The following ADGRV1 variants were observed in gnomAD, a reference collection of about 807,000 sequenced individuals.
ADGRV1 encodes G-protein coupled receptor 98.
Under a neutral mutation model 596.2 loss-of-function variants are expected in ADGRV1, and 359 were observed. The observed-to-expected ratio is 0.60, with a 90% CI of 0.55 to 0.66. The LOEUF (loss-of-function observed/expected upper bound fraction) is 0.66, where lower values mean the gene tolerates loss of function less well. ADGRV1 is among the 30% of genes least tolerant of loss of function. The pLI, the probability that ADGRV1 is intolerant of heterozygous loss-of-function variation, is 0.00. For missense variants in ADGRV1, 7,274 were observed against 7,575.6 expected, an observed-to-expected ratio of 0.96 and a Z score of 1.48; for synonymous variants, 2,681 against 2,679.2, an observed-to-expected ratio of 1.00 and a Z score of -0.02.
Position 90,706,730 on chromosome 5 carries a change from T to TA in ADGRV1, c.8730+351dup, listed in dbSNP as rs59122560. Among the ~76,000 whole-genome samples, 91 of 144,072 alleles carry TA rather than the reference T, an allele frequency of 6.3e-4. 1 individual carries two copies. The highest frequency in any genetic ancestry group is 2.7e-3 in the East Asian group (13 of 4,874). 94.5% of individuals were successfully genotyped at this position (144,072 alleles called of 152,430 possible). On this transcript the variant is annotated intron_variant, in intron 38 of 89. Coordinates refer to ENST00000405460, the MANE Select transcript of ADGRV1 (RefSeq NM_032119.4). ...GTTTACCTGAGTTTTTTTCTATTAG[T>TA]AAAAAAAAAAAAAAATTACTCTGAC...
intron 87 of ADGRV1, among the ~76,000 whole-genome samples, chr5:91,134,183 T>C (rs375121730): frequency 2.0e-5 from 3 of 151,898 alleles, no homozygotes; most frequent in South Asian, 4.1e-4. Context: ...TGACCTGCTG[T>C]TTCTTTCTTT....
At chr5:91,022,520 G>A (rs905641287) in intron 85 of ADGRV1, among the ~76,000 whole-genome samples, 1 of 152,016 alleles carries the variant, frequency 6.6e-6, no homozygotes, top group African/African-American at 2.4e-5. Flanking sequence ...TACTCCCTGT[G>A]CTTTAAGGTT....
chr5:90,711,657 A>T (rs573191110), intron 41 of ADGRV1, among the ~76,000 whole-genome samples: 1 of 152,316 alleles, frequency 6.6e-6, no homozygotes, highest in African/African-American at 2.4e-5. Flanking sequence ...CACTTCACGA[A>T]AATTTTAACT....
chr5:90,906,391 T>C (rs938643899), intron 83 of ADGRV1, among the ~76,000 whole-genome samples: 1 of 152,142 alleles, frequency 6.6e-6, no homozygotes, highest in Non-Finnish European at 1.5e-5. Flanking sequence ...TTATTACAGC[T>C]TTGATCTCAT....
chr5:90,712,649 G>A (rs191721016), intron 42 of ADGRV1, among the ~76,000 whole-genome samples: 3 of 152,010 alleles, frequency 2.0e-5, no homozygotes, highest in Non-Finnish European at 2.9e-5. Flanking sequence ...AAAGTAGGTT[G>A]ATACTACAGA....
chr5:90,871,223 C>G (rs144542427), intron 83 of ADGRV1, among the ~76,000 whole-genome samples: 17 of 152,182 alleles, frequency 1.1e-4, no homozygotes, highest in African/African-American at 3.6e-4. Flanking sequence ...GATTTTGGTA[C>G]TCAAAATAGA....
chr5:90,829,317 C>T, intron 77 of ADGRV1, 131 bp downstream of exon 77: 4 of 803,578 alleles, frequency 5.0e-6, no homozygotes, highest in Non-Finnish European at 7.3e-6. Flanking sequence ...TTATTCATTA[C>T]ATTAAGCTTT....
chr5:90,937,039 G>C (rs1775752980), intron 83 of ADGRV1, among the ~76,000 whole-genome samples: 1 of 151,958 alleles, frequency 6.6e-6, no homozygotes, highest in Non-Finnish European at 1.5e-5. Flanking sequence ...GAAGTTTATT[G>C]TCAGTCCATT....
At chr5:91,141,184 C>T (rs1795067521) in intron 87 of ADGRV1, among the ~76,000 whole-genome samples, 1 of 152,186 alleles carries the variant, frequency 6.6e-6, no homozygotes. Context: ...TTAGAATAGA[C>T]ATCTGTCCAA....
chr5:90,728,593 A>C, intron 48 of ADGRV1, 76 bp from the exon 49 acceptor site: 1 of 1,181,558 alleles, frequency 8.5e-7, no homozygotes, highest in South Asian at 1.5e-5. Context: ...GAGAGTAAAC[A>C]TATGGTATTG....
intron 6 of ADGRV1, among the ~76,000 whole-genome samples, chr5:90,626,851 T>G (rs1764827758): frequency 6.6e-6 from 1 of 152,216 alleles, no homozygotes; most frequent in South Asian, 2.1e-4. Context: ...ATTATTAGAC[T>G]TTCAGTACTA....
At chr5:90,665,398 C>A (rs951813890) in intron 21 of ADGRV1, among the ~76,000 whole-genome samples, 20 of 151,680 alleles carry the variant, frequency 1.3e-4, no homozygotes, top group Admixed American at 1.1e-3. Flanking sequence ...AGTTTATTTG[C>A]GTAGAGGTGT....
chr5:90,756,675 C>A, intron 56 of ADGRV1, 45 bp downstream of exon 56: 1 of 1,500,922 alleles, frequency 6.7e-7, no homozygotes, highest in South Asian at 1.2e-5. Context: ...GAGGCCTCTC[C>A]CTGCTGATTT....
chr5:90,960,152 A>C (rs940408938), intron 83 of ADGRV1, among the ~76,000 whole-genome samples: 1 of 146,190 alleles, frequency 6.8e-6, no homozygotes. Context: ...AAAAAAAAAA[A>C]ACAAAAAACA....
At chr5:90,820,666 C>T (rs1380228905) in intron 75 of ADGRV1, among the ~76,000 whole-genome samples, 2 of 149,708 alleles carry the variant, frequency 1.3e-5, no homozygotes, top group Non-Finnish European at 3.0e-5. Context: ...ATTTCTCCTT[C>T]ACTTATGAAG....
At chr5:90,751,634 C>T (rs967502555) in intron 53 of ADGRV1, among the ~76,000 whole-genome samples, 1 of 152,152 alleles carries the variant, frequency 6.6e-6, no homozygotes, top group Non-Finnish European at 1.5e-5. Context: ...GGGTTGTCTT[C>T]TTGGCTTGCC....
chr5:90,689,903 A>C lies in ADGRV1; in HGVS notation c.6533A>C (p.Glu2178Ala), dbSNP rs1303193997. Residue 2178 changes from glutamate (E) to alanine (A), a missense_variant, in exon 30 of 90, where the codon GAA becomes GCA. By Grantham distance (107) the Glu-to-Ala change is moderately radical (BLOSUM62 -1). This residue lies in a region of ADGRV1 where 3,643 missense variants were observed against 3,809.2 expected (regional missense o/e 0.96). Coordinates refer to ENST00000405460, the MANE Select transcript of ADGRV1 (RefSeq NM_032119.4). ...SIASSDVVLL[E>A]GETSKAVPIY... ...GCTTCATCAGATGTGGTCTTGCTAG[A>C]AGGGGAAACCAGTAAAGCCGTGCCA... 6.2e-7 allele frequency: 1 copy of C among 1,613,360 alleles called. No individual in the cohort carries two copies. The highest frequency in any genetic ancestry group is 1.1e-5 in the South Asian group (1 of 90,996).
chr5:90,627,963 A>ACAC, intron 7 of ADGRV1, 187 bp downstream of exon 7: 1 of 224,096 alleles, frequency 4.5e-6, no homozygotes, highest in Non-Finnish European at 7.6e-6. Context: ...CACACACACA[A>ACAC]GAATATGTCA....
chr5:90,805,579 C>T, intron 72 of ADGRV1, 121 bp downstream of exon 72: 1 of 809,526 alleles, frequency 1.2e-6, no homozygotes, highest in Non-Finnish European at 1.8e-6. Context: ...ACAATGCTCC[C>T]ATATTTAAGT....
Sources: gnomAD v4.1 joint callset for allele counts (sites outside exome capture counted in the v4.1 genomes callset) on GRCh38, gnomAD v4.1.1 for gene constraint, gnomAD v4.1.1 regional missense constraint, MANE v1.5 for transcripts, NCBI Gene and HGNC (gene_info 2026-07-23, HGNC 2026-07-21) for gene names.